Variants in ATP6V0E1 observed in about 807,000 individuals in gnomAD.
The protein encoded by ATP6V0E1 is V-type proton ATPase subunit e 1.
Under a neutral mutation model 11.6 loss-of-function variants are expected in ATP6V0E1, and 4 were observed. The ratio of observed to expected loss-of-function variants is 0.35; its 90% CI spans 0.17 to 0.79. The LOEUF is 0.79. ATP6V0E1 is among the 30% of genes least tolerant of loss of function. The pLI, the probability that ATP6V0E1 is intolerant of heterozygous loss-of-function variation, is 0.54. For missense variants in ATP6V0E1, 105 were observed against 100.0 expected (o/e 1.05, Z -0.21); for synonymous variants, 36 against 34.8 (o/e 1.04, Z -0.13).
chr5:172,999,034 G>C (rs1026917701), intron 2 of ATP6V0E1, among the ~76,000 whole-genome samples: 1 of 152,118 alleles, frequency 6.6e-6, no homozygotes, highest in Non-Finnish European at 1.5e-5. Context: ...TACTAAGGAG[G>C]CTGAGGCAGG....
At chr5:172,990,415 G>A (rs1248399206) in intron 1 of ATP6V0E1, among the ~76,000 whole-genome samples, 1 of 152,142 alleles carries the variant, frequency 6.6e-6, no homozygotes, top group Non-Finnish European at 1.5e-5. Flanking sequence ...AGTAGATGTG[G>A]GGGAGGAGAA....
At chr5:173,009,498 A>G (rs1756284202) in intron 2 of ATP6V0E1, among the ~76,000 whole-genome samples, 1 of 117,584 alleles carries the variant, frequency 8.5e-6, no homozygotes, top group Admixed American at 1.2e-4. Context: ...GTCTCGTTCT[A>G]TCATCCAGGT....
In ATP6V0E1 at chr5:173,031,195, C is replaced by T. The variant is rs1329236607; in HGVS notation, c.*37-3204C>T. 6.6e-5 allele frequency among the ~76,000 whole-genome samples: 10 copies of T among 151,928 alleles called. No individual in the cohort carries two copies. The Middle Eastern group carries it at 0.017, about 258-fold the overall frequency. ...TCCTGACCTCATGATCTGCCCGCCT[C>T]GGCTTCCCAAAGTGCTGGGATTACA... On this transcript the variant is annotated intron_variant, in intron 3 of 3. Coordinates refer to ENST00000519374, the MANE Select transcript of ATP6V0E1 (RefSeq NM_003945.4).
At chr5:173,025,714 T>C (rs1367935736) in intron 3 of ATP6V0E1, among the ~76,000 whole-genome samples, 2 of 151,778 alleles carry the variant, frequency 1.3e-5, no homozygotes, top group Non-Finnish European at 2.9e-5. Context: ...CCCAGGCTGG[T>C]CTCAAACTCC....
At chr5:173,006,505 G>A (rs1230911769) in intron 2 of ATP6V0E1, among the ~76,000 whole-genome samples, 2 of 152,178 alleles carry the variant, frequency 1.3e-5, no homozygotes, top group Non-Finnish European at 2.9e-5. Context: ...AGCGACTCGG[G>A]AGGCTGAGGC....
intron 2 of ATP6V0E1, among the ~76,000 whole-genome samples, chr5:173,019,372 G>A (rs182630362): frequency 1.9e-3 from 295 of 152,180 alleles, no homozygotes; most frequent in Non-Finnish European, 3.4e-3. Context: ...TGGCTAACAC[G>A]GTGAAAACCC....
chr5:173,020,636 G>A (rs911515684), intron 3 of ATP6V0E1: 10 of 531,536 alleles, frequency 1.9e-5, no homozygotes, highest in South Asian at 4.3e-5. Flanking sequence ...TCTTTCAGAC[G>A]CAGATCAAAA....
At chr5:173,025,280 G>T (rs1220141316) in intron 3 of ATP6V0E1, among the ~76,000 whole-genome samples, 16 of 150,308 alleles carry the variant, frequency 1.1e-4, no homozygotes. Context: ...GAGTAGCTGG[G>T]ACTATAGGCA....
chr5:172,995,752 C>T (rs1285582715), intron 2 of ATP6V0E1, among the ~76,000 whole-genome samples: 1 of 152,114 alleles, frequency 6.6e-6, no homozygotes, highest in Non-Finnish European at 1.5e-5. Context: ...GTAGTTGGGA[C>T]TATAGTCATG....
chr5:172,995,577 T>A (rs1210103306), intron 2 of ATP6V0E1, among the ~76,000 whole-genome samples: 1 of 152,212 alleles, frequency 6.6e-6, no homozygotes, highest in East Asian at 1.9e-4. Flanking sequence ...TGTATCAAAA[T>A]ATATGTATTG....
At position 172,983,906 on chromosome 5, in the gene ATP6V0E1, T is replaced by C; in HGVS notation, c.46T>C (p.Phe16Leu). The C allele has an allele frequency of 6.2e-7, 1 of 1,613,504 alleles. No homozygotes were observed. Among genetic ancestry groups the C allele is most frequent in the Non-Finnish European group, 8.5e-7 (1 of 1,179,814 alleles). Residue 16 changes from phenylalanine to leucine, a missense_variant, in exon 1 of 4, where the codon TTC becomes CTC. Physicochemically the swap from Phe to Leu is conservative, Grantham distance 22. Transcript: ENST00000519374. ...LTVPLIVMSV[F>L]WGFVGFLVPW... ...TGTGCCTCTCATTGTGATGAGCGTG[T>C]TCTGGGGCTTCGTCGGCTTCTTGGT... is the stretch of plus-strand genomic sequence containing the variant.
chr5:172,983,787 C>A lies in ATP6V0E1; in HGVS notation c.-74C>A. ...GCGGGGCTTGCACACGCTGGTCACG[C>A]GGTCAGCTATTGACACTTCCTGGTG... On this transcript the variant is annotated 5_prime_UTR_variant, in exon 1 of 4. Coordinates refer to ENST00000519374, the MANE Select transcript of ATP6V0E1 (RefSeq NM_003945.4). 1 of 1,426,986 alleles carries A rather than the reference C, an allele frequency of 7.0e-7. No individual in the cohort carries two copies. The highest frequency in any genetic ancestry group is 1.1e-5 in the South Asian group (1 of 87,198). The allele number at this position is 1,426,986 out of a possible 1,614,324, so 88.4% of individuals were successfully genotyped here.
chr5:173,018,671 C>T (rs1756437626), intron 2 of ATP6V0E1, among the ~76,000 whole-genome samples: 2 of 152,160 alleles, frequency 1.3e-5, no homozygotes, highest in South Asian at 2.1e-4. Flanking sequence ...CAGTTATCAC[C>T]TGACATTCTA....
chr5:173,028,141 AG>A lies in ATP6V0E1; in HGVS notation c.*37-6256del, dbSNP rs1185988516. On this transcript the variant is annotated intron_variant, in intron 3 of 3. Coordinates refer to ENST00000519374, the MANE Select transcript of ATP6V0E1 (RefSeq NM_003945.4). ...TTGGTTCTTTTAAAAGCAAAATGCCAGGAAGTAGGAGGGCAAGCCGGGCGAT... is the reference window on the plus strand; with the variant it reads ...TTGGTTCTTTTAAAAGCAAAATGCCAGAAGTAGGAGGGCAAGCCGGGCGAT... 2.6e-5 allele frequency among the ~76,000 whole-genome samples: 4 copies of A among 152,208 alleles called. No individual in the cohort carries two copies. In the East Asian group the frequency reaches 7.7e-4, roughly 29 times the overall value.
intron 1 of ATP6V0E1, among the ~76,000 whole-genome samples, chr5:172,991,427 G>A (rs943856185): frequency 6.6e-6 from 1 of 152,180 alleles, no homozygotes; most frequent in Non-Finnish European, 1.5e-5. Context: ...AGTTCTATGA[G>A]ATGGTCTTTT....
Position 173,023,720 on chromosome 5 carries a change from C to A in ATP6V0E1, c.*36+3353C>A, listed in dbSNP as rs148737954. Among the ~76,000 whole-genome samples, 655 of 152,218 alleles carry A rather than the reference C, an allele frequency of 4.3e-3. 3 individuals are homozygous for A. The highest frequency in any genetic ancestry group is 0.015 in the African/African-American group (626 of 41,528). ...ATTAGCCAGGCAAGGTGGTGCACACCTGTAGTTCCAGCTATTCAGGAGGTT... is the reference window on the plus strand; with the variant it reads ...ATTAGCCAGGCAAGGTGGTGCACACATGTAGTTCCAGCTATTCAGGAGGTT... On this transcript the variant is annotated intron_variant, in intron 3 of 3. Transcript: ENST00000519374.
At chr5:173,002,572 T>C (rs1756175549) in intron 2 of ATP6V0E1, among the ~76,000 whole-genome samples, 1 of 152,224 alleles carries the variant, frequency 6.6e-6, no homozygotes, top group South Asian at 2.1e-4. Context: ...CCAGTCTCCT[T>C]CATAAGTGGT....
At chr5:173,008,925 A>C (rs1299458829) in intron 2 of ATP6V0E1, among the ~76,000 whole-genome samples, 18 of 149,274 alleles carry the variant, frequency 1.2e-4, no homozygotes, top group African/African-American at 4.2e-4. Flanking sequence ...AAAAAAAAAA[A>C]AAAAAAAAAC....
chr5:173,011,572 A>T (rs1354992510), intron 2 of ATP6V0E1, among the ~76,000 whole-genome samples: 1 of 151,934 alleles, frequency 6.6e-6, no homozygotes, highest in Non-Finnish European at 1.5e-5. Flanking sequence ...CCCCTTCACT[A>T]ATTTGCTGTG....
Sources: allele counts gnomAD v4.1 joint callset (sites outside exome capture counted in the v4.1 genomes callset), GRCh38; gene constraint gnomAD v4.1.1; transcripts MANE v1.5; gene names NCBI Gene and HGNC (gene_info 2026-07-23, HGNC 2026-07-21).